The following DTNA variants were observed in gnomAD, a reference collection of about 807,000 sequenced individuals.
DTNA encodes dystrobrevin alpha, also known as dystrophin-related protein 3.
Under a neutral mutation model 100.7 loss-of-function variants are expected in DTNA, and 43 were observed. That is an observed-to-expected ratio of 0.43 (90% CI 0.33 to 0.55). The LOEUF (loss-of-function observed/expected upper bound fraction) is 0.55. DTNA is among the 20% of genes least tolerant of loss of function. DTNA has a pLI of 0.04. For synonymous variants in DTNA, 349 were observed against 347.9 expected, an observed-to-expected ratio of 1.00 and a Z score of -0.04; for missense variants, 798 against 953.9, an observed-to-expected ratio of 0.84 and a Z score of 2.15.
rs191973037 is a variant in DTNA, at chr18:34,829,079, A to C, written c.1086-321A>C. The stretch of plus-strand genomic sequence containing the variant: ...TTTGGTGGATGCGTCTAGATGGATA[A>C]CATGACTTCTTCTACCCTAAAATAT... On this transcript the variant is annotated intron_variant, in intron 10 of 22. Coordinates refer to ENST00000444659, the MANE Select transcript of DTNA (RefSeq NM_001386795.1). The C allele has an allele frequency of 1.1e-4, 172 of 1,614,158 alleles. No homozygotes were observed. Among genetic ancestry groups the C allele is most frequent in the Admixed American group, 7.0e-4 (42 of 60,024 alleles).
chr18:34,592,894 A>C (rs1340473935), intron 1 of DTNA, among the ~76,000 whole-genome samples: 2 of 152,200 alleles, frequency 1.3e-5, no homozygotes, highest in Admixed American at 6.5e-5. Context: ...GTTAAGAAAA[A>C]AAATTTACTA....
chr18:34,643,152 G>C (rs1042800651), intron 1 of DTNA, among the ~76,000 whole-genome samples: 1 of 152,194 alleles, frequency 6.6e-6, no homozygotes, highest in Non-Finnish European at 1.5e-5. Context: ...TTGTACCTAA[G>C]AGTGGCAAGA....
intron 1 of DTNA, among the ~76,000 whole-genome samples, chr18:34,742,869 T>C (rs574296990): frequency 6.6e-6 from 1 of 152,186 alleles, no homozygotes; most frequent in East Asian, 1.9e-4. Context: ...AATGAATGAA[T>C]CTCAGGGTCT....
At chr18:34,518,744 TGA>T in intron 1 of DTNA, among the ~76,000 whole-genome samples, 1 of 141,872 alleles carries the variant, frequency 7.0e-6, no homozygotes. Flanking sequence ...TGTGTGTGTG[TGA>T]AGCTACTATG....
rs774940240 is a variant in DTNA at position 34,891,625 on chromosome 18, A to G, written c.*3891A>G. ...GCATCTGTGAGCATCTAATAGAAAT[A>G]CTATTCTGCTATTTATGGAAATCCT... On this transcript the variant is annotated 3_prime_UTR_variant, in exon 23 of 23. Coordinates refer to ENST00000444659, the MANE Select transcript of DTNA (RefSeq NM_001386795.1). 15 of 152,322 alleles carry G rather than the reference A, an allele frequency of 9.8e-5. 1 individual carries two copies. Among genetic ancestry groups the G allele is most frequent in the East Asian group, 1.9e-4 (1 of 5,194 alleles). The allele number at this position is 152,322 out of a possible 1,614,324, so 9.4% of individuals were successfully genotyped here.
intron 17 of DTNA, chr18:34,868,416 A>C: frequency 1.1e-6 from 1 of 948,374 alleles, no homozygotes; most frequent in Non-Finnish European, 1.3e-6. Flanking sequence ...AAATAAACAA[A>C]TGCTGTCCAA....
intron 11 of DTNA, among the ~76,000 whole-genome samples, chr18:34,835,917 G>C (rs1477245480): frequency 6.6e-6 from 1 of 152,194 alleles, no homozygotes; most frequent in Non-Finnish European, 1.5e-5. Context: ...GAGATTCAAA[G>C]AACAAAGAAG....
intron 4 of DTNA, among the ~76,000 whole-genome samples, chr18:34,801,670 C>T (rs2095218763): frequency 6.6e-6 from 1 of 151,804 alleles, no homozygotes; most frequent in Admixed American, 6.6e-5. Context: ...ACCACCATGC[C>T]CGGCTAATTT....
At chr18:34,598,231 T>A (rs1383141529) in intron 1 of DTNA, among the ~76,000 whole-genome samples, 3 of 151,492 alleles carry the variant, frequency 2.0e-5, no homozygotes, top group Admixed American at 1.3e-4. Context: ...TTTTTTTTTT[T>A]ACCAAATGTG....
intron 1 of DTNA, among the ~76,000 whole-genome samples, chr18:34,559,154 A>G (rs531923489): frequency 6.6e-6 from 1 of 152,364 alleles, no homozygotes; most frequent in South Asian, 2.1e-4. Flanking sequence ...GACTCTAGGA[A>G]GGTAGATAGG....
chr18:34,786,091 T>G (rs2094498151), intron 3 of DTNA, among the ~76,000 whole-genome samples: 2 of 152,218 alleles, frequency 1.3e-5, no homozygotes, highest in African/African-American at 4.8e-5. Flanking sequence ...AAGCAATTTT[T>G]TCTTAAAGTC....
chr18:34,888,371 G>T lies in DTNA; in HGVS notation c.*637G>T, dbSNP rs1206533638. ...AACTCAGAGCCCGGAAGCCAAGAAG[G>T]GTCCTTGGCCTGCACGGTCTGTAGT... is the stretch of plus-strand genomic sequence containing the variant. On this transcript the variant is annotated 3_prime_UTR_variant, in exon 23 of 23. Coordinates refer to ENST00000444659, the MANE Select transcript of DTNA (RefSeq NM_001386795.1). 4 of 985,636 alleles carry T rather than the reference G, an allele frequency of 4.1e-6. No individual in the cohort carries two copies. Among genetic ancestry groups the T allele is most frequent in the Middle Eastern group, 5.2e-4 (1 of 1,936 alleles). 61.1% of individuals were successfully genotyped at this position (985,636 alleles called of 1,614,324 possible).
chr18:34,833,593 T>G (rs1314350912), intron 11 of DTNA, among the ~76,000 whole-genome samples: 1 of 152,150 alleles, frequency 6.6e-6, no homozygotes, highest in Non-Finnish European at 1.5e-5. Flanking sequence ...ACTTCAAAAT[T>G]TACCATGCCA....
chr18:34,617,302 C>G (rs2055505101), intron 1 of DTNA, among the ~76,000 whole-genome samples: 1 of 152,114 alleles, frequency 6.6e-6, no homozygotes, highest in African/African-American at 2.4e-5. Flanking sequence ...TCCTTCAAAG[C>G]CCAGCTTGTT....
At chr18:34,558,346 G>A (rs1056427065) in intron 1 of DTNA, among the ~76,000 whole-genome samples, 3 of 152,170 alleles carry the variant, frequency 2.0e-5, no homozygotes, top group Non-Finnish European at 4.4e-5. Context: ...GCTCACCCTG[G>A]GAGCTGTAGA....
chr18:34,661,693 A>G (rs2075211322), intron 1 of DTNA, among the ~76,000 whole-genome samples: 1 of 152,172 alleles, frequency 6.6e-6, no homozygotes, highest in Admixed American at 6.6e-5. Flanking sequence ...AGAGGGAGAT[A>G]AAGGCGCCTC....
chr18:34,795,355 T>C (rs1441933996), intron 4 of DTNA, among the ~76,000 whole-genome samples: 1 of 152,242 alleles, frequency 6.6e-6, no homozygotes, highest in Non-Finnish European at 1.5e-5. Flanking sequence ...GTCTTCGTGA[T>C]ATTTATATTT....
At chr18:34,822,663 T>TGA (rs980412482) in intron 9 of DTNA, 2 of 153,448 alleles carry the variant, frequency 1.3e-5, no homozygotes, top group African/African-American at 4.8e-5. Flanking sequence ...TGTGTCTGCA[T>TGA]GAGAGAGAGA....
chr18:34,797,573 G>A (rs1341231325), intron 4 of DTNA, among the ~76,000 whole-genome samples: 2 of 152,258 alleles, frequency 1.3e-5, no homozygotes, highest in Non-Finnish European at 2.9e-5. Flanking sequence ...CTATTGAGGA[G>A]GGGGAAAACT....
Sources: gnomAD v4.1 joint callset for allele counts (sites outside exome capture counted in the v4.1 genomes callset) on GRCh38, gnomAD v4.1.1 for gene constraint, MANE v1.5 for transcripts, NCBI Gene and HGNC (gene_info 2026-07-23, HGNC 2026-07-21) for gene names.